NRXN1: variants seen among roughly 807,000 people sequenced by gnomAD.
NRXN1 encodes neurexin-1.
NRXN1 carries 39 observed loss-of-function variants against 150.9 expected under a neutral mutation model. The observed-to-expected ratio is 0.26, with a 90% CI of 0.20 to 0.34. The LOEUF is 0.34. Ranked by LOEUF, NRXN1 falls within the 10% of genes least tolerant of loss-of-function variation. The probability of loss-of-function intolerance (pLI) is 1.00; values close to 1 mark genes in which losing one functional copy is unlikely to be tolerated. For missense variants in NRXN1, 1,815 were observed against 1,949.9 expected, an observed-to-expected ratio of 0.93 and a Z score of 1.30; for synonymous variants, 924 against 757.0, an observed-to-expected ratio of 1.22 and a Z score of -3.62.
intron 5 of NRXN1, among the ~76,000 whole-genome samples, chr2:50,651,652 A>G (rs1685654838): frequency 6.6e-6 from 1 of 151,946 alleles, no homozygotes; most frequent in South Asian, 2.1e-4. Context: ...GTAAAACTCT[A>G]TCTCAAAAAG....
intron 5 of NRXN1, among the ~76,000 whole-genome samples, chr2:50,779,920 C>A (rs975670850): frequency 1.3e-5 from 2 of 152,138 alleles, no homozygotes; most frequent in Non-Finnish European, 2.9e-5. Flanking sequence ...ATTTCTGATT[C>A]TAGATCCCTG....
intron 2 of NRXN1, among the ~76,000 whole-genome samples, chr2:50,947,012 A>C (rs139683862): frequency 2.0e-5 from 3 of 152,278 alleles, no homozygotes; most frequent in Non-Finnish European, 4.4e-5. Context: ...AAACTATTTA[A>C]TCAAGAAAGG....
intron 5 of NRXN1, among the ~76,000 whole-genome samples, chr2:50,638,457 C>A (rs997460088): frequency 6.6e-6 from 1 of 152,078 alleles, no homozygotes; most frequent in South Asian, 2.1e-4. Flanking sequence ...GAGAAGCAAT[C>A]AAAAAGCAGA....
chr2:49,927,201 T>C (rs1008731014), intron 22 of NRXN1, among the ~76,000 whole-genome samples: 27 of 152,262 alleles, frequency 1.8e-4, no homozygotes, highest in African/African-American at 5.1e-4. Flanking sequence ...AATGTCTAAG[T>C]GTGACTATTT....
intron 17 of NRXN1, among the ~76,000 whole-genome samples, chr2:50,323,210 C>A (rs557396555): frequency 1.3e-5 from 2 of 152,266 alleles, no homozygotes; most frequent in East Asian, 3.9e-4. Context: ...CTTTAACATA[C>A]AGCAGAATCT....
chr2:50,893,770 G>C (rs1300291737), intron 5 of NRXN1, among the ~76,000 whole-genome samples: 1 of 152,012 alleles, frequency 6.6e-6, no homozygotes, highest in Non-Finnish European at 1.5e-5. Flanking sequence ...TGGTACTATA[G>C]TTATCCTTCA....
Position 50,096,529 on chromosome 2 carries a change from A to C in NRXN1, c.3547-5035T>G, listed in dbSNP as rs79256611. ...TTCTCATGAATATTGCATTAGCAAA[A>C]CCAGAAGTCATTTCACTGGACATGT... is the stretch of plus-strand genomic sequence containing the variant. On this transcript the variant is annotated intron_variant, in intron 18 of 22. Coordinates refer to ENST00000401669, the MANE Select transcript of NRXN1 (RefSeq NM_001330078.2). Among the ~76,000 whole-genome samples, 852 of 152,306 alleles carry C rather than the reference A, an allele frequency of 5.6e-3. 21 individuals are homozygous for C. The highest frequency in any genetic ancestry group is 0.037 in the East Asian group (190 of 5,174).
intron 21 of NRXN1, among the ~76,000 whole-genome samples, chr2:49,987,419 T>C (rs571365978): frequency 2.0e-5 from 3 of 152,286 alleles, no homozygotes; most frequent in East Asian, 3.9e-4. Flanking sequence ...AGAGCATATA[T>C]TATTTATTAT....
chr2:50,746,753 A>G (rs1462310022), intron 5 of NRXN1, among the ~76,000 whole-genome samples: 5 of 152,078 alleles, frequency 3.3e-5, no homozygotes, highest in Admixed American at 6.6e-5. Context: ...CTTAAGGCTC[A>G]TAGTTCTGAA....
chr2:50,906,489 A>G (rs1312729970), intron 5 of NRXN1, among the ~76,000 whole-genome samples: 1 of 152,150 alleles, frequency 6.6e-6, no homozygotes, highest in Non-Finnish European at 1.5e-5. Flanking sequence ...TGATGTTAGG[A>G]AAATAGTGTA....
At chr2:50,162,105 CA>C (rs2059399669) in intron 18 of NRXN1, among the ~76,000 whole-genome samples, 1 of 152,098 alleles carries the variant, frequency 6.6e-6, no homozygotes, top group African/African-American at 2.4e-5. Context: ...AACTCAGCAG[CA>C]AATTGGTTAA....
intron 18 of NRXN1, among the ~76,000 whole-genome samples, chr2:50,191,183 C>A (rs1330606738): frequency 1.3e-5 from 2 of 148,970 alleles, no homozygotes; most frequent in Non-Finnish European, 1.5e-5. Flanking sequence ...CACATGCCAT[C>A]ATGCTCAGCT....
rs1474190287 is a variant in NRXN1, at chr2:50,011,813, G to GA, written c.4128+41457dup. Among the ~76,000 whole-genome samples, 6 of 152,144 alleles carry GA rather than the reference G, an allele frequency of 3.9e-5. No homozygotes were observed. In the South Asian group the frequency reaches 1.0e-3, roughly 26 times the overall value. On this transcript the variant is annotated intron_variant, in intron 21 of 22. Transcript: ENST00000401669. ...TCAAAGAAGAAGGCAAAGAATCATA[G>GA]AAAATTGGAGATAGGTGGATGTTAA...
intron 22 of NRXN1, among the ~76,000 whole-genome samples, chr2:49,942,409 A>G (rs1672141738): frequency 6.6e-6 from 1 of 152,144 alleles, no homozygotes; most frequent in South Asian, 2.1e-4. Flanking sequence ...GATGCACGAC[A>G]TACATCCCGA....
At chr2:50,882,035 T>C (rs1264321544) in intron 5 of NRXN1, among the ~76,000 whole-genome samples, 1 of 151,856 alleles carries the variant, frequency 6.6e-6, no homozygotes, top group Non-Finnish European at 1.5e-5. Context: ...TCTTTGCAAA[T>C]AACTACTTTT....
At chr2:51,012,214 TC>T (rs1667988614) in intron 2 of NRXN1, among the ~76,000 whole-genome samples, 1 of 152,046 alleles carries the variant, frequency 6.6e-6, no homozygotes, top group East Asian at 1.9e-4. Flanking sequence ...TATTTATTAA[TC>T]TAAAGTCTTT....
rs1574484140 is a variant in NRXN1, at chr2:50,205,234, C to T, written c.3546+31555G>A. On this transcript the variant is annotated intron_variant, in intron 18 of 22. Coordinates refer to ENST00000401669, the MANE Select transcript of NRXN1 (RefSeq NM_001330078.2). Reference sequence around the variant, plus strand: ...CCTTGAGCACTCATGAAAAACTTTGCATTTTAGTTTTATCATCTGAAAAAT... The same window carrying T: ...CCTTGAGCACTCATGAAAAACTTTGTATTTTAGTTTTATCATCTGAAAAAT... 1.3e-5 allele frequency among the ~76,000 whole-genome samples: 2 copies of T among 152,134 alleles called. 1 individual carries two copies. The highest frequency in any genetic ancestry group is 6.8e-3 in the Middle Eastern group (2 of 294).
intron 17 of NRXN1, among the ~76,000 whole-genome samples, chr2:50,378,498 G>A (rs568018509): frequency 1.3e-5 from 2 of 152,176 alleles, no homozygotes; most frequent in South Asian, 2.1e-4. Context: ...GCTTACCCTC[G>A]TGATTAGGTG....
chr2:50,686,536 C>T (rs960382333), intron 5 of NRXN1, among the ~76,000 whole-genome samples: 2 of 152,156 alleles, frequency 1.3e-5, no homozygotes, highest in African/African-American at 4.8e-5. Flanking sequence ...AACACTACTG[C>T]TTGTCTTCTT....
Sources: allele counts gnomAD v4.1 joint callset (sites outside exome capture counted in the v4.1 genomes callset), GRCh38; gene constraint gnomAD v4.1.1; transcripts MANE v1.5; gene names NCBI Gene and HGNC (gene_info 2026-07-23, HGNC 2026-07-21).